Variants in RCAN2 observed in about 807,000 individuals in gnomAD.
RCAN2 encodes the protein regulator of calcineurin 2.
Under a neutral mutation model 23.6 loss-of-function variants are expected in RCAN2, and 9 were observed. The ratio of observed to expected loss-of-function variants is 0.38; its 90% CI spans 0.23 to 0.67. The LOEUF (loss-of-function observed/expected upper bound fraction) is 0.67, where lower values mean the gene tolerates loss of function less well. Ranked by LOEUF, RCAN2 falls within the 30% of genes least tolerant of loss-of-function variation. The pLI, the probability that RCAN2 is intolerant of heterozygous loss-of-function variation, is 0.51. For missense variants in RCAN2, 273 were observed against 302.3 expected (o/e 0.90, Z 0.72); for synonymous variants, 109 against 115.7 (o/e 0.94, Z 0.37).
At chr6:46,324,081 A>AAACTGGAGGGGTCT (rs1309382886) in intron 2 of RCAN2, among the ~76,000 whole-genome samples, 49 of 152,338 alleles carry the variant, frequency 3.2e-4, no homozygotes, top group African/African-American at 1.2e-3. Context: ...CGCTGGCTTT[A>AAACTGGAGGGGTCT]AATGACTGCT....
At chr6:46,407,890 A>G (rs1561893422) in intron 2 of RCAN2, among the ~76,000 whole-genome samples, 2 of 152,224 alleles carry the variant, frequency 1.3e-5, no homozygotes, top group African/African-American at 4.8e-5. Flanking sequence ...CTACGTAAAA[A>G]TTAAAAACTT....
At position 46,223,206 on chromosome 6, in the gene RCAN2, T is replaced by C; in HGVS notation, c.667A>G (p.Thr223Ala). Reference sequence around the variant, plus strand: ...TGGATGATTTTTGGCTTTGGGGAAGTCTTTGGGTCCTCTTCTTCCTCTATG... The same window carrying C: ...TGGATGATTTTTGGCTTTGGGGAAGCCTTTGGGTCCTCTTCTTCCTCTATG... ...SDIEEEEDPKTSPKPKIIQTR... is the reference protein window; with the variant it reads ...SDIEEEEDPKASPKPKIIQTR... The change falls in exon 5 of 5, where the codon ACT (threonine) becomes GCT (alanine). Residue 223 changes from threonine to alanine, a missense_variant. Thr to Ala is a moderately conservative substitution (Grantham distance 58). Coordinates refer to ENST00000371374, the MANE Select transcript of RCAN2 (RefSeq NM_001251974.2). 1 of 1,613,850 alleles carries C rather than the reference T, an allele frequency of 6.2e-7. No individual in the cohort carries two copies.
At chr6:46,367,432 A>G (rs9357506) in intron 2 of RCAN2, among the ~76,000 whole-genome samples, 77,914 of 151,822 alleles carry the variant, frequency 0.51, 20,425 homozygotes, top group East Asian at 0.61. Flanking sequence ...AAAGATGTTG[A>G]CCTATTTAGA....
intron 2 of RCAN2, among the ~76,000 whole-genome samples, chr6:46,439,131 A>T (rs531240856): frequency 6.6e-6 from 1 of 152,330 alleles, no homozygotes; most frequent in East Asian, 1.9e-4. Flanking sequence ...TTTTCCTCAC[A>T]CTACAGAGCC....
chr6:46,383,080 C>T (rs920513022), intron 2 of RCAN2, among the ~76,000 whole-genome samples: 1 of 151,744 alleles, frequency 6.6e-6, no homozygotes, highest in Non-Finnish European at 1.5e-5. Flanking sequence ...GGAACTTGAA[C>T]ATGAAGTACA....
intron 2 of RCAN2, among the ~76,000 whole-genome samples, chr6:46,395,990 C>T (rs772099390): frequency 1.5e-4 from 23 of 152,104 alleles, no homozygotes; most frequent in Non-Finnish European, 2.9e-4. Flanking sequence ...CACACATTTC[C>T]TAGAACATAT....
Position 46,394,085 on chromosome 6 carries a change from C to G in RCAN2, c.225+62667G>C, listed in dbSNP as rs147071564. On this transcript the variant is annotated intron_variant, in intron 2 of 4. Coordinates refer to ENST00000371374, the MANE Select transcript of RCAN2 (RefSeq NM_001251974.2). ...AAGCTGAGCTGCCATCAGCCCTCCACAGCTCATCCTCTGTGACAATACCCA... is the reference window on the plus strand; with the variant it reads ...AAGCTGAGCTGCCATCAGCCCTCCAGAGCTCATCCTCTGTGACAATACCCA... 6.4e-3 allele frequency among the ~76,000 whole-genome samples: 971 copies of G among 152,330 alleles called. 12 individuals are homozygous for G. Among genetic ancestry groups the G allele is most frequent in the African/African-American group, 0.023 (944 of 41,582 alleles).
chr6:46,311,769 T>C (rs1325719069), intron 2 of RCAN2, among the ~76,000 whole-genome samples: 1 of 152,228 alleles, frequency 6.6e-6, no homozygotes, highest in Non-Finnish European at 1.5e-5. Flanking sequence ...GTTTAGCATA[T>C]GTGAATCCTA....
At chr6:46,438,999 G>T (rs1260159546) in intron 2 of RCAN2, among the ~76,000 whole-genome samples, 1 of 152,054 alleles carries the variant, frequency 6.6e-6, no homozygotes, top group African/African-American at 2.4e-5. Flanking sequence ...TACATCTTAG[G>T]TATATCTTAG....
chr6:46,432,963 G>C (rs569871033), intron 2 of RCAN2, among the ~76,000 whole-genome samples: 1 of 152,166 alleles, frequency 6.6e-6, no homozygotes, highest in East Asian at 1.9e-4. Flanking sequence ...GAATCTTTAA[G>C]TACATTATTA....
intron 2 of RCAN2, among the ~76,000 whole-genome samples, chr6:46,331,916 G>A (rs1011131660): frequency 3.3e-5 from 5 of 152,058 alleles, no homozygotes; most frequent in African/African-American, 4.8e-5. Context: ...CAACATAATT[G>A]GCTAGTTGCC....
At chr6:46,375,495 C>G (rs1006941044) in intron 2 of RCAN2, among the ~76,000 whole-genome samples, 2 of 152,152 alleles carry the variant, frequency 1.3e-5, no homozygotes, top group Non-Finnish European at 2.9e-5. Flanking sequence ...AACTAAAGTC[C>G]AAAAGATCAA....
intron 2 of RCAN2, among the ~76,000 whole-genome samples, chr6:46,304,032 A>G (rs1403498146): frequency 6.6e-6 from 1 of 152,142 alleles, no homozygotes; most frequent in Non-Finnish European, 1.5e-5. Flanking sequence ...AATTTCCCAA[A>G]GTGGTTGTAA....
intron 2 of RCAN2, among the ~76,000 whole-genome samples, chr6:46,263,331 C>T (rs1767179111): frequency 6.6e-6 from 1 of 152,110 alleles, no homozygotes; most frequent in Non-Finnish European, 1.5e-5. Flanking sequence ...CAAATTTCTT[C>T]TCGGAAGTCT....
At chr6:46,382,993 T>G (rs893779098) in intron 2 of RCAN2, among the ~76,000 whole-genome samples, 1 of 152,198 alleles carries the variant, frequency 6.6e-6, no homozygotes, top group African/African-American at 2.4e-5. Flanking sequence ...TGCTAAGTGC[T>G]GTGTGGGCAA....
Position 46,221,690 on chromosome 6 carries a change from CA to C in RCAN2, c.*1450del, listed in dbSNP as rs1041231210. The C allele has an allele frequency of 4.5e-5, 17 of 374,652 alleles. No homozygotes were observed. Among genetic ancestry groups the C allele is most frequent in the African/African-American group, 3.5e-4 (17 of 48,180 alleles). 23.2% of individuals were successfully genotyped at this position (374,652 alleles called of 1,614,324 possible). On this transcript the variant is annotated 3_prime_UTR_variant, in exon 5 of 5. Transcript: ENST00000371374. ...TTAGTCAAAAACCACAACAATCCCT[CA>C]ATCTGTTTGCTGTGTTATTGTTCTT...
intron 2 of RCAN2, among the ~76,000 whole-genome samples, chr6:46,383,542 G>A (rs926499899): frequency 6.6e-6 from 1 of 152,116 alleles, no homozygotes; most frequent in Admixed American, 6.5e-5. Context: ...GTTATTCTAA[G>A]TGCCCAAGGA....
chr6:46,295,110 G>A (rs1762681770), intron 2 of RCAN2, among the ~76,000 whole-genome samples: 1 of 152,112 alleles, frequency 6.6e-6, no homozygotes. Flanking sequence ...GAGGAGTGGG[G>A]TGACTTGCAA....
At chr6:46,236,787 A>G (rs1766116280) in intron 4 of RCAN2, among the ~76,000 whole-genome samples, 1 of 152,232 alleles carries the variant, frequency 6.6e-6, no homozygotes. Context: ...TCAGCATTCT[A>G]TCAGTGCTAG....
Sources: gnomAD v4.1 joint callset for allele counts (sites outside exome capture counted in the v4.1 genomes callset) on GRCh38, gnomAD v4.1.1 for gene constraint, MANE v1.5 for transcripts, NCBI Gene and HGNC (gene_info 2026-07-23, HGNC 2026-07-21) for gene names.